Variants in SMC1B observed in about 807,000 individuals in gnomAD.
SMC1B encodes structural maintenance of chromosomes protein 1B.
A neutral mutation model predicts 157.9 loss-of-function variants in SMC1B; 60 were observed. The ratio of observed to expected loss-of-function variants is 0.38; its 90% CI spans 0.31 to 0.47. SMC1B has a LOEUF of 0.47. Ranked by LOEUF, SMC1B falls within the 20% of genes least tolerant of loss-of-function variation. The pLI is 0.99. For synonymous variants in SMC1B, 445 were observed against 483.0 expected, an observed-to-expected ratio of 0.92 and a Z score of 1.03; for missense variants, 1,165 against 1,426.2, an observed-to-expected ratio of 0.82 and a Z score of 2.95.
chr22:45,393,799 C>T lies in SMC1B; in HGVS notation c.1380G>A (p.Val460=). The part of the protein sequence containing the change: ...KEKKQQEETL[V]DEIEKTKSRM... ...TTGATTTTGTTTTTTCAATTTCATC[C>T]ACTAGGGTTTCCTCTTGCTGTTTTT... The change falls in exon 9 of 25, where the codon GTG becomes GTA. Residue 460 remains valine (V), a synonymous_variant. Coordinates refer to ENST00000357450, the MANE Select transcript of SMC1B (RefSeq NM_148674.5). The T allele has an allele frequency of 1.2e-6, 2 of 1,613,082 alleles. No individual in the cohort carries two copies. Among genetic ancestry groups the T allele is most frequent in the Non-Finnish European group, 1.7e-6 (2 of 1,179,404 alleles).
chr22:45,364,906 C>T (rs182704030), intron 15 of SMC1B, among the ~76,000 whole-genome samples: 19 of 144,954 alleles, frequency 1.3e-4, no homozygotes, highest in African/African-American at 3.3e-4. Context: ...GGCACGATCT[C>T]GGCTCACTGC....
intron 12 of SMC1B, among the ~76,000 whole-genome samples, chr22:45,374,772 T>G (rs1005643844): frequency 2.0e-5 from 3 of 152,194 alleles, no homozygotes; most frequent in Admixed American, 6.5e-5. Context: ...CCTACTAATG[T>G]ATGGACTTCA....
At chr22:45,369,253 T>G (rs1022243895) in intron 15 of SMC1B, among the ~76,000 whole-genome samples, 1 of 150,272 alleles carries the variant, frequency 6.7e-6, no homozygotes, top group Non-Finnish European at 1.5e-5. Flanking sequence ...CCTGCCACCA[T>G]GCCCAGCTAA....
In SMC1B at chr22:45,371,533, A is replaced by G. The variant is rs75007763; in HGVS notation, c.2251T>C (p.Leu751=). 6,974 of 1,599,290 alleles carry G rather than the reference A, an allele frequency of 4.4e-3. 242 individuals are homozygous for G. In the African/African-American group the frequency reaches 0.081, roughly 19 times the overall value. The change falls in exon 14 of 25, where the codon TTG becomes CTG. Residue 751 remains leucine, a synonymous_variant. Coordinates refer to ENST00000357450, the MANE Select transcript of SMC1B (RefSeq NM_148674.5). The stretch of plus-strand genomic sequence containing the variant: ...TGTCGTTCCTTGATTCCTTCACTCA[A>G]CATAATACATTGAGACTCAATATTT... ...LLNIESQCIM[L]SEGIKERQRR...
rs183362676 is a variant in SMC1B, at chr22:45,375,248, C to T, written c.2059-2956G>A. 1.2e-4 allele frequency among the ~76,000 whole-genome samples: 18 copies of T among 152,306 alleles called. No homozygotes were observed. In the East Asian group the frequency reaches 2.5e-3, roughly 21 times the overall value. ...TGACCTGGAAGCCCCCTCTCTGTTT[C>T]GAGTTATCCTGCCTTTGCTTCCAGT... On this transcript the variant is annotated intron_variant, in intron 12 of 24. Coordinates refer to ENST00000357450, the MANE Select transcript of SMC1B (RefSeq NM_148674.5).
chr22:45,412,937 G>A (rs1433503695), intron 1 of SMC1B, among the ~76,000 whole-genome samples: 1 of 152,212 alleles, frequency 6.6e-6, no homozygotes, highest in Admixed American at 6.5e-5. Flanking sequence ...GGATGAGAAG[G>A]GAAAAGGGAC....
chr22:45,405,032 G>T (rs2087242447), intron 4 of SMC1B, among the ~76,000 whole-genome samples: 1 of 152,176 alleles, frequency 6.6e-6, no homozygotes, highest in South Asian at 2.1e-4. Flanking sequence ...TAGATTGGAG[G>T]AATGAACAGT....
rs772105461 is a variant in SMC1B at position 45,389,806 on chromosome 22, A to G, written c.1637T>C (p.Val546Ala). The G allele has an allele frequency of 5.0e-6, 8 of 1,614,000 alleles. No individual in the cohort carries two copies. Among genetic ancestry groups the G allele is most frequent in the Middle Eastern group, 3.3e-4 (2 of 6,084 alleles). ...TTTTGCTACCTTTTCAGAGGCTACA[A>G]CAATGGCAGTGATGAACCGGCCAAA... The part of the protein sequence containing the change: ...KVFGRFITAI[V>A]VASEKVAKDC... The change falls in exon 10 of 25, where the codon GTT becomes GCT. Residue 546 changes from valine (V) to alanine (A), a missense_variant. Physicochemically the swap from Val to Ala is moderately conservative, Grantham distance 64. Transcript: ENST00000357450.
chr22:45,394,628 C>A lies in SMC1B; in HGVS notation c.1337+57G>T. 12 of 1,414,004 alleles carry A rather than the reference C, an allele frequency of 8.5e-6. No individual in the cohort carries two copies. The South Asian group carries it at 1.0e-4, about 12-fold the overall frequency. The allele number at this position is 1,414,004 out of a possible 1,614,324, so 87.6% of individuals were successfully genotyped here. A position where few individuals can be genotyped will look rare whatever the true frequency, so the allele number is the denominator to read the frequency against. On this transcript the variant is annotated intron_variant, in intron 8 of 24. Transcript: ENST00000357450. The stretch of plus-strand genomic sequence containing the variant: ...TCTGGCCTGGGCGATGGGAGTGAGA[C>A]CCTCTCTCAAAAAATAAAAGAAAAT...
chr22:45,371,327 AAAACTT>A, intron 14 of SMC1B, 138 bp downstream of exon 14: 1 of 1,269,838 alleles, frequency 7.9e-7, no homozygotes, highest in Non-Finnish European at 1.0e-6. Context: ...GCAAACCAAT[AAAACTT>A]AGCTTACAAC....
intron 19 of SMC1B, among the ~76,000 whole-genome samples, chr22:45,357,440 G>C (rs548226187): frequency 5.9e-4 from 90 of 152,364 alleles, no homozygotes; most frequent in African/African-American, 2.1e-3. Flanking sequence ...CTACAATCCT[G>C]AGAGAGGCCT....
chr22:45,373,900 A>G (rs1316051667), intron 12 of SMC1B, among the ~76,000 whole-genome samples: 1 of 152,164 alleles, frequency 6.6e-6, no homozygotes, highest in Non-Finnish European at 1.5e-5. Flanking sequence ...TAAATAATAG[A>G]TATTTCATTA....
intron 13 of SMC1B, among the ~76,000 whole-genome samples, 169 bp from the exon 14 acceptor site, chr22:45,371,756 A>G (rs1209021409): frequency 6.6e-6 from 1 of 152,228 alleles, no homozygotes; most frequent in Non-Finnish European, 1.5e-5. Context: ...ACTATAATAT[A>G]ATCTCAATCA....
chr22:45,359,767 C>T (rs753103187), intron 18 of SMC1B, 38 bp downstream of exon 18: 1 of 1,596,712 alleles, frequency 6.3e-7, no homozygotes, highest in Non-Finnish European at 8.6e-7. Flanking sequence ...TTAAGTTCCA[C>T]ACAACGGCAC....
intron 8 of SMC1B, 115 bp downstream of exon 8, chr22:45,394,570 A>C: frequency 8.2e-7 from 1 of 1,221,502 alleles, no homozygotes; most frequent in Non-Finnish European, 1.0e-6. Flanking sequence ...CCGGAAGTTG[A>C]GGCTACCGTA....
At chr22:45,372,051 A>C in intron 13 of SMC1B, 104 bp downstream of exon 13, 1 of 1,082,744 alleles carries the variant, frequency 9.2e-7, no homozygotes. Context: ...TCTCAGGAAA[A>C]AAAAAAAAGT....
At chr22:45,371,425 T>C (rs1367508239) in intron 14 of SMC1B, 46 bp downstream of exon 14, 11 of 1,515,768 alleles carry the variant, frequency 7.3e-6, no homozygotes, top group Non-Finnish European at 9.6e-6. Flanking sequence ...TAGTATCTGG[T>C]CTAGAACTAC....
In SMC1B at chr22:45,346,610, C is replaced by T. The variant is rs533943105; in HGVS notation, c.3496-1041G>A. 4.6e-5 allele frequency among the ~76,000 whole-genome samples: 7 copies of T among 152,098 alleles called. No individual in the cohort carries two copies. The South Asian group carries it at 1.0e-3, about 23-fold the overall frequency. ...TTGAGGAATGAGTGGCCATGTTTTA[C>T]GTGAGAAAGGAAAGAAACTGCTCTA... On this transcript the variant is annotated intron_variant, in intron 23 of 24. Transcript: ENST00000357450.
In SMC1B at chr22:45,389,846, C is replaced by G. The variant is rs759589156; in HGVS notation, c.1597G>C (p.Ala533Pro). The G allele has an allele frequency of 6.2e-7, 1 of 1,614,066 alleles. No individual in the cohort carries two copies. The highest frequency in any genetic ancestry group is 1.1e-5 in the South Asian group (1 of 91,076). The change falls in exon 10 of 25, where the codon GCT becomes CCT. Residue 533 changes from alanine to proline, a missense_variant. Ala to Pro is a conservative substitution (Grantham distance 27, BLOSUM62 -1). Transcript: ENST00000357450. Reference protein sequence around the residue: ...CHPIHKKYQLAVTKVFGRFIT... With the variant: ...CHPIHKKYQLPVTKVFGRFIT... Reference sequence around the variant, plus strand: ...AACCGGCCAAAAACCTTAGTAACAGCCAGCTGGTATTTCTTATGAATAGGA... The same window carrying G: ...AACCGGCCAAAAACCTTAGTAACAGGCAGCTGGTATTTCTTATGAATAGGA...
Sources: allele counts gnomAD v4.1 joint callset (sites outside exome capture counted in the v4.1 genomes callset), GRCh38; gene constraint gnomAD v4.1.1; transcripts MANE v1.5; gene names NCBI Gene and HGNC (gene_info 2026-07-23, HGNC 2026-07-21).